AK8: variants seen among roughly 807,000 people sequenced by gnomAD.
The protein encoded by AK8 is ATP-AMP transphosphorylase 8.
Under a neutral mutation model 54.6 loss-of-function variants are expected in AK8, and 44 were observed. That is an observed-to-expected ratio of 0.81 (90% CI 0.63 to 1.04). The LOEUF is 1.04. AK8 is among the 50% of genes least tolerant of loss of function. AK8 has a pLI of 0.00. For synonymous variants in AK8, 239 were observed against 245.6 expected, an observed-to-expected ratio of 0.97 and a Z score of 0.25; for missense variants, 555 against 613.6, an observed-to-expected ratio of 0.90 and a Z score of 1.01.
intron 10 of AK8, among the ~76,000 whole-genome samples, chr9:132,793,369 T>C (rs1840027139): frequency 6.6e-6 from 1 of 152,152 alleles, no homozygotes; most frequent in Non-Finnish European, 1.5e-5. Flanking sequence ...GGATGACACA[T>C]TCAGACCATA....
chr9:132,858,303 T>C (rs1269812029), intron 4 of AK8, among the ~76,000 whole-genome samples: 1 of 152,256 alleles, frequency 6.6e-6, no homozygotes, highest in African/African-American at 2.4e-5. Flanking sequence ...CCCGCTGTTT[T>C]GCTGTTCTGA....
chr9:132,835,563 C>T (rs950024317), intron 5 of AK8, among the ~76,000 whole-genome samples: 1 of 152,222 alleles, frequency 6.6e-6, no homozygotes, highest in Admixed American at 6.5e-5. Context: ...GGCTTTGGAA[C>T]CAGATGACCT....
chr9:132,857,591 C>T (rs922585960), intron 4 of AK8, among the ~76,000 whole-genome samples: 3 of 152,192 alleles, frequency 2.0e-5, no homozygotes, highest in South Asian at 4.1e-4. Context: ...TGACCCCAGG[C>T]ACAGCCAATT....
rs1839480798 is a variant in AK8, at chr9:132,781,783, C to A, written c.1121+10851G>T. On this transcript the variant is annotated intron_variant, in intron 11 of 12. Coordinates refer to ENST00000298545, the MANE Select transcript of AK8 (RefSeq NM_152572.3). The surrounding 1 kb of genome is among the most constrained non-coding windows in gnomAD (Gnocchi z 4.6). ...ATCACAACCGAACCAGAATTACAGTCCTGATAGTCATCCTGGTGCTAGGTG... is the reference window on the plus strand; with the variant it reads ...ATCACAACCGAACCAGAATTACAGTACTGATAGTCATCCTGGTGCTAGGTG... Among the ~76,000 whole-genome samples, 1 of 152,176 alleles carries A rather than the reference C, an allele frequency of 6.6e-6. No individual in the cohort carries two copies. Among genetic ancestry groups the A allele is most frequent in the Non-Finnish European group, 1.5e-5 (1 of 68,036 alleles).
intron 11 of AK8, among the ~76,000 whole-genome samples, chr9:132,777,939 C>T (rs1299560106): frequency 6.6e-6 from 1 of 152,226 alleles, no homozygotes; most frequent in Non-Finnish European, 1.5e-5. Flanking sequence ...CAAAGCTGCC[C>T]GATTTGAGGC....
chr9:132,819,377 G>A (rs761237840), intron 9 of AK8, among the ~76,000 whole-genome samples: 5 of 152,130 alleles, frequency 3.3e-5, no homozygotes, highest in Non-Finnish European at 4.4e-5. Context: ...GAACATCCTC[G>A]GATTTCAGTA....
chr9:132,769,174 G>A (rs1590218706), intron 11 of AK8: 1 of 152,230 alleles, frequency 6.6e-6, no homozygotes, highest in African/African-American at 2.4e-5. Flanking sequence ...ATGACAGAGA[G>A]GCTGAAGAGA....
At chr9:132,741,867 C>T (rs1385497605) in intron 11 of AK8, among the ~76,000 whole-genome samples, 1 of 152,166 alleles carries the variant, frequency 6.6e-6, no homozygotes, top group Non-Finnish European at 1.5e-5. Context: ...ACGGATTTTC[C>T]TATTCTGCAC....
intron 10 of AK8, among the ~76,000 whole-genome samples, chr9:132,796,226 C>G (rs539185719): frequency 5.9e-5 from 9 of 152,346 alleles, no homozygotes; most frequent in African/African-American, 2.2e-4. Context: ...TGGCCTGGAG[C>G]CCCTGAGTCC....
At chr9:132,761,685 T>C (rs938517899) in intron 11 of AK8, among the ~76,000 whole-genome samples, 1 of 152,216 alleles carries the variant, frequency 6.6e-6, no homozygotes, top group Non-Finnish European at 1.5e-5. Flanking sequence ...TTGTAATCTG[T>C]TATATTTATG....
At chr9:132,767,640 A>G (rs984859567) in intron 11 of AK8, among the ~76,000 whole-genome samples, 1 of 152,250 alleles carries the variant, frequency 6.6e-6, no homozygotes, top group Non-Finnish European at 1.5e-5. Context: ...AGTATATCTA[A>G]GAGATATCTG....
intron 5 of AK8, among the ~76,000 whole-genome samples, chr9:132,841,376 C>T (rs902580966): frequency 1.3e-5 from 2 of 152,226 alleles, no homozygotes; most frequent in Admixed American, 6.5e-5. Context: ...CCGCACATGA[C>T]GAGCCGTCAT....
intron 11 of AK8, among the ~76,000 whole-genome samples, chr9:132,785,381 C>T (rs1020734725): frequency 1.3e-5 from 2 of 152,180 alleles, no homozygotes; most frequent in East Asian, 1.9e-4. Flanking sequence ...GGATTACAGG[C>T]GTGAGCCACC....
chr9:132,727,770 C>CT (rs1564368476), intron 11 of AK8, among the ~76,000 whole-genome samples: 2 of 152,124 alleles, frequency 1.3e-5, no homozygotes, highest in African/African-American at 4.8e-5. Flanking sequence ...AACCAATATT[C>CT]TTCCTGCCCT....
At chr9:132,764,600 C>T (rs1181086657) in intron 11 of AK8, among the ~76,000 whole-genome samples, 1 of 152,098 alleles carries the variant, frequency 6.6e-6, no homozygotes, top group Non-Finnish European at 1.5e-5. Context: ...ATACAACCTA[C>T]CAAGATAGAA....
rs201324247 is a variant in AK8 at position 132,790,178 on chromosome 9, G to GA, written c.1121+2455_1121+2456insT. ...ATTTATAATACCAATGTGTCAAAAA[G>GA]GAAAAACAATTTTAAAGGATGCTGA... On this transcript the variant is annotated intron_variant, in intron 11 of 12. Coordinates refer to ENST00000298545, the MANE Select transcript of AK8 (RefSeq NM_152572.3). The surrounding 1 kb of genome is among the most constrained non-coding windows in gnomAD (Gnocchi z 4.1). 2.6e-3 allele frequency among the ~76,000 whole-genome samples: 396 copies of GA among 151,434 alleles called. 4 individuals are homozygous for GA. The highest frequency in any genetic ancestry group is 8.3e-3 in the African/African-American group (341 of 41,288).
At chr9:132,844,389 C>T (rs1190527361) in intron 5 of AK8, among the ~76,000 whole-genome samples, 1 of 151,858 alleles carries the variant, frequency 6.6e-6, no homozygotes, top group Non-Finnish European at 1.5e-5. Flanking sequence ...GTTATTTTTC[C>T]CTGAACACTA....
At position 132,875,235 on chromosome 9, in the gene AK8, C is replaced by A. The variant is rs1844041816; in HGVS notation, c.85-36G>T. 8 of 1,611,092 alleles carry A rather than the reference C, an allele frequency of 5.0e-6. No homozygotes were observed. In the East Asian group the frequency reaches 1.3e-4, roughly 27 times the overall value. On this transcript the variant is annotated intron_variant, in intron 1 of 12. Transcript: ENST00000298545. Reference sequence around the variant, plus strand: ...AGGGCAGACACCCAGGTGGTTAATACCTGCAAGGGCACCTGGTCACCACAG... The same window carrying A: ...AGGGCAGACACCCAGGTGGTTAATAACTGCAAGGGCACCTGGTCACCACAG...
intron 4 of AK8, 108 bp from the exon 5 acceptor site, chr9:132,855,033 G>C: frequency 8.8e-7 from 1 of 1,134,684 alleles, no homozygotes; most frequent in Non-Finnish European, 1.3e-6. Context: ...GGAAAGCACC[G>C]ACCACCATCG....
Sources: gnomAD v4.1 joint callset for allele counts (sites outside exome capture counted in the v4.1 genomes callset) on GRCh38, gnomAD v4.1.1 for gene constraint, Gnocchi (gnomAD v3.1) non-coding constraint, MANE v1.5 for transcripts, NCBI Gene and HGNC (gene_info 2026-07-23, HGNC 2026-07-21) for gene names.